TNFRSF1A: variants seen among roughly 807,000 people sequenced by gnomAD.
TNFRSF1A encodes TNF receptor superfamily member 1A.
Under a neutral mutation model 41.6 loss-of-function variants are expected in TNFRSF1A, and 9 were observed. That is an observed-to-expected ratio of 0.22 (90% CI 0.13 to 0.38). The LOEUF is 0.38. Ranked by LOEUF, TNFRSF1A falls within the 10% of genes least tolerant of loss-of-function variation. The probability of loss-of-function intolerance (pLI) is 1.00; values close to 1 mark genes in which losing one functional copy is unlikely to be tolerated. For missense variants in TNFRSF1A, 463 were observed against 591.5 expected (o/e 0.78, Z 2.25); for synonymous variants, 254 against 248.6 (o/e 1.02, Z -0.21).
At chr12:6,335,517 G>C (rs777503470) in intron 1 of TNFRSF1A, among the ~76,000 whole-genome samples, 1 of 152,194 alleles carries the variant, frequency 6.6e-6, no homozygotes, top group Non-Finnish European at 1.5e-5. Context: ...TCCGGCATCA[G>C]TGCCAGGAAA....
intron 1 of TNFRSF1A, among the ~76,000 whole-genome samples, chr12:6,338,784 C>T (rs1948151201): frequency 6.6e-6 from 1 of 152,116 alleles, no homozygotes; most frequent in Non-Finnish European, 1.5e-5. Context: ...CACGCCCCAC[C>T]ATGCCCCGCT....
At position 6,329,610 on chromosome 12, in the gene TNFRSF1A, G is replaced by C. The variant is rs1948006216; in HGVS notation, c.1070C>G (p.Ala357Gly). 1 of 1,593,818 alleles carries C rather than the reference G, an allele frequency of 6.3e-7. No individual in the cohort carries two copies. Among genetic ancestry groups the C allele is most frequent in the African/African-American group, 1.3e-5 (1 of 74,594 alleles). ...GTTCTCCACCACGGCGTACAGCGTCGCGGGGTCATCAGCTGCGGGGACGCG... is the reference window on the plus strand; with the variant it reads ...GTTCTCCACCACGGCGTACAGCGTCCCGGGGTCATCAGCTGCGGGGACGCG... ...KPQSLDTDDP[A>G]TLYAVVENVP... The change falls in exon 10 of 10, where the codon GCG becomes GGG. Residue 357 changes from alanine to glycine, a missense_variant. Transcript: ENST00000162749.
Position 6,329,058 on chromosome 12 carries a change from C to T in TNFRSF1A, c.*254G>A, listed in dbSNP as rs202201073. 2.5e-6 allele frequency: 1 copy of T among 407,468 alleles called. No homozygotes were observed. The highest frequency in any genetic ancestry group is 4.3e-6 in the Non-Finnish European group (1 of 232,978). 25.2% of individuals were successfully genotyped at this position (407,468 alleles called of 1,614,324 possible). ...GAGGACACCCAAAACGGGCATGAGG[C>T]ATAGCGTCCCTCATCCTCGCAAACC... On this transcript the variant is annotated 3_prime_UTR_variant, in exon 10 of 10. Coordinates refer to ENST00000162749, the MANE Select transcript of TNFRSF1A (RefSeq NM_001065.4).
intron 1 of TNFRSF1A, among the ~76,000 whole-genome samples, chr12:6,336,051 C>T (rs1359808883): frequency 6.6e-6 from 1 of 152,190 alleles, no homozygotes; most frequent in Non-Finnish European, 1.5e-5. Context: ...CTTCCCAGTC[C>T]TGAAAGTGTG....
chr12:6,339,325 G>T lies in TNFRSF1A; in HGVS notation c.39+2451C>A, dbSNP rs190867974. 1.6e-3 allele frequency among the ~76,000 whole-genome samples: 239 copies of T among 152,288 alleles called. 1 individual carries two copies. The highest frequency in any genetic ancestry group is 4.7e-4 in the Non-Finnish European group (32 of 68,036). On this transcript the variant is annotated intron_variant, in intron 1 of 9. Coordinates refer to ENST00000162749, the MANE Select transcript of TNFRSF1A (RefSeq NM_001065.4). ...CGCCATCCCATCTGACACATCTCTT[G>T]TTCCTTAATTCCTTCAGCAAATAGT...
intron 7 of TNFRSF1A, 121 bp from the exon 8 acceptor site, chr12:6,330,416 C>A: frequency 9.0e-7 from 1 of 1,109,910 alleles, no homozygotes; most frequent in Non-Finnish European, 1.4e-6. Context: ...GCCCCAGGGA[C>A]GAGAGAGCTA....
Position 6,329,339 on chromosome 12 carries a change from G to A in TNFRSF1A, c.1341C>T (p.Leu447=), listed in dbSNP as rs2136811931. ...ATCTGAGAAGACTGGGCGCGGGCGG[G>A]AGGGCGGCGGGGCCGCAAAGCGCCT... The part of the protein sequence containing the change: ...IEEALCGPAA[L]PPAPSLLR The change falls in exon 10 of 10, where the codon CTC becomes CTT. Residue 447 remains leucine (L), a synonymous_variant. Transcript: ENST00000162749. 1.4e-6 allele frequency: 2 copies of A among 1,476,198 alleles called. No individual in the cohort carries two copies. The highest frequency in any genetic ancestry group is 1.4e-5 in the South Asian group (1 of 71,660). 91.4% of individuals were successfully genotyped at this position (1,476,198 alleles called of 1,614,324 possible). A position where few individuals can be genotyped will look rare whatever the true frequency, so the allele number is the denominator to read the frequency against.
chr12:6,341,267 C>T lies in TNFRSF1A; in HGVS notation c.39+509G>A, dbSNP rs901044792. On this transcript the variant is annotated intron_variant, in intron 1 of 9. Transcript: ENST00000162749. This position sits in a 1 kb window ranked among gnomAD's most constrained non-coding sequence, Gnocchi z 4.6. ...ATCCCCACTCCTCAACTCACTCCCC[C>T]ACTTCACCAGCCGCCAAAATCCTGC... 2.0e-5 allele frequency among the ~76,000 whole-genome samples: 3 copies of T among 152,152 alleles called. No homozygotes were observed. Among genetic ancestry groups the T allele is most frequent in the African/African-American group, 7.2e-5 (3 of 41,420 alleles).
Position 6,333,854 on chromosome 12 carries a change from A to T in TNFRSF1A, c.205T>A (p.Tyr69Asn). The change falls in exon 3 of 10, where the codon TAC becomes AAC. Residue 69 changes from tyrosine to asparagine, a missense_variant. Transcript: ENST00000162749. The surrounding 1 kb of genome is among the most constrained non-coding windows in gnomAD (Gnocchi z 6.3). Reference protein sequence around the residue: ...CTKCHKGTYLYNDCPGPGQDT... With the variant: ...CTKCHKGTYLNNDCPGPGQDT... ...TGCCCCGGGCCTGGACAGTCATTGT[A>T]CAAGTAGGTTCCTGTGAATGGGGCC... is the stretch of plus-strand genomic sequence containing the variant. 6.2e-7 allele frequency: 1 copy of T among 1,602,556 alleles called. No individual in the cohort carries two copies. Among genetic ancestry groups the T allele is most frequent in the Non-Finnish European group, 8.5e-7 (1 of 1,174,032 alleles).
rs150600411 is a variant in TNFRSF1A at position 6,340,342 on chromosome 12, C to T, written c.39+1434G>A. ...GACACCCATTTTGGAGATAAAGAAA[C>T]GAAGGCATGGAAGGTTAGGTTATAT... On this transcript the variant is annotated intron_variant, in intron 1 of 9. Transcript: ENST00000162749. Among the ~76,000 whole-genome samples, 449 of 152,252 alleles carry T rather than the reference C, an allele frequency of 2.9e-3. 2 individuals carry two copies. Among genetic ancestry groups the T allele is most frequent in the African/African-American group, 9.2e-3 (381 of 41,542 alleles).
intron 5 of TNFRSF1A, chr12:6,331,168 G>A (rs953717305): frequency 2.7e-5 from 15 of 560,920 alleles, no homozygotes; most frequent in Non-Finnish European, 3.2e-5. Flanking sequence ...CAGGGTCAGG[G>A]TGTAAATTCC....
intron 1 of TNFRSF1A, among the ~76,000 whole-genome samples, chr12:6,335,972 C>A (rs1948115370): frequency 6.6e-6 from 1 of 152,220 alleles, no homozygotes; most frequent in South Asian, 2.1e-4. Context: ...AACACCGTGC[C>A]ACCTCTGCTG....
At chr12:6,332,167 G>A (rs531001405) in intron 5 of TNFRSF1A, among the ~76,000 whole-genome samples, 131 of 152,140 alleles carry the variant, frequency 8.6e-4, no homozygotes, top group Middle Eastern at 6.8e-3. Context: ...CAGGCCAGGC[G>A]TGGTGGCTCA....
Position 6,333,620 on chromosome 12 carries a change from C to A in TNFRSF1A, c.323-104G>T. 1 of 1,582,300 alleles carries A rather than the reference C, an allele frequency of 6.3e-7. No homozygotes were observed. The highest frequency in any genetic ancestry group is 1.1e-5 in the South Asian group (1 of 87,902). On this transcript the variant is annotated intron_variant, in intron 3 of 9. Coordinates refer to ENST00000162749, the MANE Select transcript of TNFRSF1A (RefSeq NM_001065.4). The surrounding 1 kb of genome is among the most constrained non-coding windows in gnomAD (Gnocchi z 6.3). ...GTGTCTCTGTAATACACACTCACAT[C>A]CATGCAGTGTCCCACCAAAACACAC...
rs769779865 is a variant in TNFRSF1A, at chr12:6,334,372, C to T, written c.40-128G>A. The T allele has an allele frequency of 2.6e-6, 2 of 759,128 alleles. No homozygotes were observed. The highest frequency in any genetic ancestry group is 4.3e-6 in the Non-Finnish European group (2 of 467,774). 47.0% of individuals were successfully genotyped at this position (759,128 alleles called of 1,614,324 possible). A position where few individuals can be genotyped will look rare whatever the true frequency, so the allele number is the denominator to read the frequency against. On this transcript the variant is annotated intron_variant, in intron 1 of 9. Coordinates refer to ENST00000162749, the MANE Select transcript of TNFRSF1A (RefSeq NM_001065.4). The surrounding 1 kb of genome is among the most constrained non-coding windows in gnomAD (Gnocchi z 5.1). Reference sequence around the variant, plus strand: ...GAAACATTCCGCCCAGGCCACGCCACTCACTAAGTTTAGAGTTCTTCCTTG... The same window carrying T: ...GAAACATTCCGCCCAGGCCACGCCATTCACTAAGTTTAGAGTTCTTCCTTG...
intron 1 of TNFRSF1A, among the ~76,000 whole-genome samples, chr12:6,340,268 T>C (rs1463031493): frequency 6.6e-6 from 1 of 152,202 alleles, no homozygotes; most frequent in East Asian, 1.9e-4. Context: ...ACACTTAACA[T>C]GTATCAGTCT....
Position 6,333,161 on chromosome 12 carries a change from T to C in TNFRSF1A, c.473-14A>G, listed in dbSNP as rs1948071809. 6.2e-7 allele frequency: 1 copy of C among 1,613,562 alleles called. No individual in the cohort carries two copies. The highest frequency in any genetic ancestry group is 8.5e-7 in the Non-Finnish European group (1 of 1,179,562). On this transcript the variant is annotated splice_polypyrimidine_tract_variant and intron_variant, in intron 4 of 9. Coordinates refer to ENST00000162749, the MANE Select transcript of TNFRSF1A (RefSeq NM_001065.4). This position sits in a 1 kb window ranked among gnomAD's most constrained non-coding sequence, Gnocchi z 6.3. The stretch of plus-strand genomic sequence containing the variant: ...GTTTCTCCTGGCCTGTAGGGAGAAG[T>C]GCGGCACAGCTAAAGGAGAAGCGCC...
At position 6,341,203 on chromosome 12, in the gene TNFRSF1A, C is replaced by T. The variant is rs1948190472; in HGVS notation, c.39+573G>A. Among the ~76,000 whole-genome samples the T allele has an allele frequency of 6.6e-6, 1 of 152,134 alleles. No individual in the cohort carries two copies. The highest frequency in any genetic ancestry group is 1.5e-5 in the Non-Finnish European group (1 of 68,004). ...CAGTGTCCCAGCCCATTCTCAAATA[C>T]CTCCCACCATGAGCATCCCAAACCC... On this transcript the variant is annotated intron_variant, in intron 1 of 9. Transcript: ENST00000162749. The surrounding 1 kb of genome is among the most constrained non-coding windows in gnomAD (Gnocchi z 4.6).
At chr12:6,336,309 G>A (rs1173265485) in intron 1 of TNFRSF1A, among the ~76,000 whole-genome samples, 6 of 152,090 alleles carry the variant, frequency 3.9e-5, no homozygotes, top group African/African-American at 9.7e-5. Context: ...AGTCAGATCC[G>A]GGAAAGGGAA....
Sources: gnomAD v4.1 joint callset for allele counts (sites outside exome capture counted in the v4.1 genomes callset) on GRCh38, gnomAD v4.1.1 for gene constraint, Gnocchi (gnomAD v3.1) non-coding constraint, MANE v1.5 for transcripts, NCBI Gene and HGNC (gene_info 2026-07-23, HGNC 2026-07-21) for gene names.